DLAT: variants seen among roughly 807,000 people sequenced by gnomAD.
DLAT encodes dihydrolipoamide S-acetyltransferase.
Under a neutral mutation model 68.0 loss-of-function variants are expected in DLAT, and 43 were observed. That is an observed-to-expected ratio of 0.63 (90% CI 0.50 to 0.81). DLAT has a LOEUF of 0.81. Ranked by LOEUF, DLAT falls within the 40% of genes least tolerant of loss-of-function variation. DLAT has a pLI of 0.00. For missense variants in DLAT, 745 were observed against 815.4 expected (o/e 0.91, Z 1.05); for synonymous variants, 265 against 288.6 (o/e 0.92, Z 0.83).
At chr11:112,027,119 C>T (rs1317517742) in intron 2 of DLAT, among the ~76,000 whole-genome samples, 4 of 150,602 alleles carry the variant, frequency 2.7e-5, no homozygotes, top group South Asian at 2.1e-4. Flanking sequence ...GGCTGCCGGG[C>T]GGAGGGGCTC....
At chr11:112,031,282 A>C (rs587750572) in intron 4 of DLAT, among the ~76,000 whole-genome samples, 2 of 152,350 alleles carry the variant, frequency 1.3e-5, no homozygotes, top group Admixed American at 6.5e-5. Flanking sequence ...AAATGAAACC[A>C]AATTCAGTGG....
At chr11:112,060,679 T>C (rs1864542664) in intron 12 of DLAT, among the ~76,000 whole-genome samples, 2 of 152,036 alleles carry the variant, frequency 1.3e-5, no homozygotes, top group Non-Finnish European at 2.9e-5. Flanking sequence ...TTGGCCAGGC[T>C]GGTTTCAAAC....
chr11:112,042,353 T>G (rs1863095102), intron 7 of DLAT, among the ~76,000 whole-genome samples: 2 of 152,252 alleles, frequency 1.3e-5, no homozygotes, highest in African/African-American at 4.8e-5. Context: ...CTGTGGTGTC[T>G]AGATCAGCCT....
In DLAT at chr11:112,059,353, C is replaced by CT. The variant is rs1229235062; in HGVS notation, c.1515-532dup. 8.2e-3 allele frequency among the ~76,000 whole-genome samples: 1,076 copies of CT among 130,628 alleles called. 2 individuals carry two copies. The highest frequency in any genetic ancestry group is 0.012 in the Non-Finnish European group (706 of 60,758). 85.7% of individuals were successfully genotyped at this position (130,628 alleles called of 152,430 possible). Reference sequence around the variant, plus strand: ...TACTGCTGCTGACACATTTCTCATTCTTTTTTTTTTTTTTTTTTCTTGGCA... The same window carrying CT: ...TACTGCTGCTGACACATTTCTCATTCTTTTTTTTTTTTTTTTTTTCTTGGCA... On this transcript the variant is annotated intron_variant, in intron 11 of 13. Coordinates refer to ENST00000280346, the MANE Select transcript of DLAT (RefSeq NM_001931.5).
chr11:112,059,787 A>G, intron 11 of DLAT, 116 bp from the exon 12 acceptor site: 3 of 817,984 alleles, frequency 3.7e-6, no homozygotes, highest in South Asian at 3.7e-5. Context: ...TTGGCTGAAC[A>G]ATAACACACA....
At chr11:112,061,011 A>T in intron 12 of DLAT, 27 bp from the exon 13 acceptor site, 3 of 1,537,836 alleles carry the variant, frequency 2.0e-6, no homozygotes, top group Non-Finnish European at 2.6e-6. Flanking sequence ...ACAAACTATA[A>T]TTTATTTTTA....
intron 10 of DLAT, among the ~76,000 whole-genome samples, chr11:112,046,865 T>G (rs1179138893): frequency 6.6e-6 from 1 of 152,200 alleles, no homozygotes; most frequent in Non-Finnish European, 1.5e-5. Flanking sequence ...ATCCAGTCTA[T>G]CATTGATGGG....
chr11:112,048,441 A>G (rs186413793), intron 10 of DLAT, among the ~76,000 whole-genome samples: 2 of 152,204 alleles, frequency 1.3e-5, no homozygotes, highest in South Asian at 2.1e-4. Context: ...CTCTTTTTCT[A>G]TTTGAATACT....
chr11:112,028,401 A>G, intron 2 of DLAT, 114 bp from the exon 3 acceptor site: 2 of 1,276,800 alleles, frequency 1.6e-6, no homozygotes, highest in Non-Finnish European at 2.2e-6. Context: ...CCTTGGTGAC[A>G]GAATGAGACT....
At chr11:112,061,980 C>G (rs1864659677) in intron 13 of DLAT, among the ~76,000 whole-genome samples, 1 of 152,152 alleles carries the variant, frequency 6.6e-6, no homozygotes, top group South Asian at 2.1e-4. Flanking sequence ...AAGGCAGCAA[C>G]TTTACTAAAT....
At chr11:112,038,913 G>T (rs1555180764) in intron 6 of DLAT, among the ~76,000 whole-genome samples, 1 of 151,908 alleles carries the variant, frequency 6.6e-6, no homozygotes, top group Non-Finnish European at 1.5e-5. Context: ...TGATGTAAAA[G>T]AATGCGAATA....
At chr11:112,059,110 C>T (rs1302911054) in intron 11 of DLAT, among the ~76,000 whole-genome samples, 3 of 151,882 alleles carry the variant, frequency 2.0e-5, no homozygotes, top group African/African-American at 7.3e-5. Context: ...TACCACCACC[C>T]ATGTATCCTG....
At chr11:112,043,397 T>C in intron 7 of DLAT, 69 bp from the exon 8 acceptor site, 1 of 1,433,770 alleles carries the variant, frequency 7.0e-7, no homozygotes, top group Non-Finnish European at 9.8e-7. Context: ...CAGTTTAGGA[T>C]CACAGCGTTG....
chr11:112,059,848 C>A, intron 11 of DLAT, 55 bp from the exon 12 acceptor site: 1 of 1,423,696 alleles, frequency 7.0e-7, no homozygotes, highest in Non-Finnish European at 9.5e-7. Context: ...CTTAACCTGG[C>A]ACACAGGCTC....
intron 5 of DLAT, 113 bp from the exon 6 acceptor site, chr11:112,037,160 A>AG (rs1862818351): frequency 1.0e-6 from 1 of 982,956 alleles, no homozygotes; most frequent in Admixed American, 2.1e-5. Context: ...GTTGCAAAAA[A>AG]GGCTATATAG....
intron 10 of DLAT, among the ~76,000 whole-genome samples, chr11:112,046,541 G>A (rs1434394249): frequency 6.6e-6 from 1 of 151,456 alleles, no homozygotes. Context: ...AGGTATACAC[G>A]TGCCATGGTG....
chr11:112,062,317 T>C, intron 13 of DLAT, 89 bp from the exon 14 acceptor site: 1 of 1,409,600 alleles, frequency 7.1e-7, no homozygotes, highest in Non-Finnish European at 1.0e-6. Context: ...TGGTTGGGAT[T>C]ATAGGGTAGG....
chr11:112,028,931 C>A lies in DLAT; in HGVS notation c.646C>A (p.Pro216Thr). Reference sequence around the variant, plus strand: ...TGCTCAGGCTCCTGGTAGCTCATATCCCCCTCACATGCAGGTGAGGCTCAG... The same window carrying A: ...TGCTCAGGCTCCTGGTAGCTCATATACCCCTCACATGCAGGTGAGGCTCAG... ...PSAQAPGSSYPPHMQVLLPAL... is the reference protein window; with the variant it reads ...PSAQAPGSSYTPHMQVLLPAL... Residue 216 changes from proline (P) to threonine (T), a missense_variant, in exon 4 of 14, where the codon CCC becomes ACC. Transcript: ENST00000280346. The A allele has an allele frequency of 6.2e-7, 1 of 1,614,144 alleles. No homozygotes were observed. Among genetic ancestry groups the A allele is most frequent in the Non-Finnish European group, 8.5e-7 (1 of 1,180,042 alleles).
At chr11:112,030,836 TTTG>T (rs745936242) in intron 4 of DLAT, among the ~76,000 whole-genome samples, 3 of 152,224 alleles carry the variant, frequency 2.0e-5, no homozygotes, top group Non-Finnish European at 4.4e-5. Context: ...CTTTTTCTCC[TTTG>T]GAAATAATGT....
Sources: allele counts gnomAD v4.1 joint callset (sites outside exome capture counted in the v4.1 genomes callset), GRCh38; gene constraint gnomAD v4.1.1; transcripts MANE v1.5; gene names NCBI Gene and HGNC (gene_info 2026-07-23, HGNC 2026-07-21).